The following HADH variants were observed in gnomAD, a reference collection of about 807,000 sequenced individuals.
HADH encodes hydroxyacyl-coenzyme A dehydrogenase, mitochondrial.
In HADH, 24 loss-of-function variants were observed where a neutral mutation model predicts 32.2. The ratio of observed to expected loss-of-function variants is 0.75; its 90% CI spans 0.54 to 1.05. The LOEUF (loss-of-function observed/expected upper bound fraction) is 1.05, where lower values mean the gene tolerates loss of function less well. HADH is among the 50% of genes least tolerant of loss of function. HADH has a pLI of 0.00. For synonymous variants in HADH, 139 were observed against 152.5 expected (o/e 0.91, Z 0.65); for missense variants, 350 against 397.1 (o/e 0.88, Z 1.01).
At chr4:108,006,834 A>C (rs540480562) in intron 1 of HADH, among the ~76,000 whole-genome samples, 40 of 152,242 alleles carry the variant, frequency 2.6e-4, no homozygotes, top group African/African-American at 9.6e-4. Flanking sequence ...TATTACTGTG[A>C]CTTTAATTTG....
At chr4:108,004,638 A>G (rs754420525) in intron 1 of HADH, 239 of 1,509,304 alleles carry the variant, frequency 1.6e-4, no homozygotes, top group Non-Finnish European at 1.7e-4. Flanking sequence ...GGAAGCCATA[A>G]CCATGAACTT....
chr4:108,015,852 G>A (rs981162726), intron 3 of HADH, among the ~76,000 whole-genome samples: 1 of 152,006 alleles, frequency 6.6e-6, no homozygotes, highest in Non-Finnish European at 1.5e-5. Flanking sequence ...ACAGCAGACA[G>A]TTAAGGACAT....
chr4:107,992,427 T>C (rs1182500246), intron 1 of HADH, among the ~76,000 whole-genome samples: 1 of 152,236 alleles, frequency 6.6e-6, no homozygotes, highest in African/African-American at 2.4e-5. Context: ...CACCCTACCC[T>C]GTAGCATGCA....
At chr4:108,028,786 T>C (rs1176893309) in intron 6 of HADH, 1 of 398,376 alleles carries the variant, frequency 2.5e-6, no homozygotes, top group Admixed American at 4.4e-5. Context: ...TGTTTTAGAA[T>C]GTAGCATGTG....
chr4:108,032,072 T>A, intron 6 of HADH: 1 of 369,276 alleles, frequency 2.7e-6, no homozygotes, highest in East Asian at 3.9e-5. Context: ...TAAAAATATA[T>A]CTTCTTTATC....
In HADH at chr4:107,991,082, C is replaced by A. The variant is rs542807958; in HGVS notation, c.132+1018C>A. Among the ~76,000 whole-genome samples, 4 of 152,184 alleles carry A rather than the reference C, an allele frequency of 2.6e-5. No homozygotes were observed. In the South Asian group the frequency reaches 6.2e-4, roughly 24 times the overall value. Reference sequence around the variant, plus strand: ...CCATTGTACATCTTCAGGGCTTTTCCATTGTTCTGCTGAGCTGTGGTTCAG... The same window carrying A: ...CCATTGTACATCTTCAGGGCTTTTCAATTGTTCTGCTGAGCTGTGGTTCAG... On this transcript the variant is annotated intron_variant, in intron 1 of 7. Coordinates refer to ENST00000309522, the MANE Select transcript of HADH (RefSeq NM_005327.7).
chr4:108,013,992 C>G (rs1343912361), intron 2 of HADH, among the ~76,000 whole-genome samples: 2 of 152,052 alleles, frequency 1.3e-5, no homozygotes, highest in African/African-American at 2.4e-5. Context: ...GGCACCATCT[C>G]CAATTCTGTC....
chr4:107,997,272 G>C (rs918447455), intron 1 of HADH, among the ~76,000 whole-genome samples: 3 of 152,190 alleles, frequency 2.0e-5, no homozygotes, highest in Admixed American at 1.3e-4. Context: ...TTTCCAGAGA[G>C]AGGATGAAAA....
intron 2 of HADH, among the ~76,000 whole-genome samples, chr4:108,011,060 G>A (rs1294722721): frequency 6.6e-6 from 1 of 152,026 alleles, no homozygotes; most frequent in African/African-American, 2.4e-5. Context: ...TGTTGGCCAG[G>A]ATGGTTTCAA....
At chr4:108,020,154 G>A (rs981728315) in intron 4 of HADH, among the ~76,000 whole-genome samples, 7 of 152,152 alleles carry the variant, frequency 4.6e-5, no homozygotes, top group African/African-American at 1.7e-4. Flanking sequence ...TACATCTCCT[G>A]TGCATTGTGA....
intron 4 of HADH, among the ~76,000 whole-genome samples, chr4:108,021,194 T>G (rs1031074192): frequency 1.3e-5 from 2 of 152,208 alleles, no homozygotes; most frequent in African/African-American, 4.8e-5. Flanking sequence ...ATTTCAGTAC[T>G]TAGGGACTAG....
intron 1 of HADH, among the ~76,000 whole-genome samples, chr4:108,003,820 A>C (rs528890271): frequency 5.3e-5 from 8 of 152,156 alleles, no homozygotes; most frequent in Admixed American, 3.3e-4. Context: ...TTAAAAAAAA[A>C]AAAAAACAAA....
chr4:107,992,073 G>A (rs1300232293), intron 1 of HADH, among the ~76,000 whole-genome samples: 1 of 152,212 alleles, frequency 6.6e-6, no homozygotes, highest in African/African-American at 2.4e-5. Flanking sequence ...TACAGGTATG[G>A]TGTTGGAGCT....
intron 1 of HADH, among the ~76,000 whole-genome samples, chr4:108,004,291 G>A (rs972940185): frequency 5.9e-5 from 9 of 152,234 alleles, no homozygotes; most frequent in East Asian, 1.9e-4. Context: ...CATGCGCAGC[G>A]TGGTGGTCTA....
At chr4:107,991,840 T>A (rs1734822889) in intron 1 of HADH, among the ~76,000 whole-genome samples, 1 of 152,214 alleles carries the variant, frequency 6.6e-6, no homozygotes, top group African/African-American at 2.4e-5. Flanking sequence ...AACAAAATAT[T>A]AGGGCCTTAA....
chr4:107,998,507 C>T (rs556200445), intron 1 of HADH, among the ~76,000 whole-genome samples: 3 of 152,092 alleles, frequency 2.0e-5, no homozygotes, highest in East Asian at 3.9e-4. Flanking sequence ...CTCTAACTCC[C>T]GACCTCATGA....
At chr4:108,029,840 C>G (rs1224150831) in intron 6 of HADH, 1 of 152,510 alleles carries the variant, frequency 6.6e-6, no homozygotes, top group Non-Finnish European at 1.5e-5. Flanking sequence ...TCCGTCCTCA[C>G]TCTTCCTATT....
chr4:108,016,001 G>A (rs374984826), intron 3 of HADH, among the ~76,000 whole-genome samples: 2 of 152,146 alleles, frequency 1.3e-5, no homozygotes, highest in African/African-American at 4.8e-5. Context: ...TGAAGGGAAT[G>A]CCTATAGACA....
At chr4:107,990,670 A>C (rs557139584) in intron 1 of HADH, among the ~76,000 whole-genome samples, 1 of 150,566 alleles carries the variant, frequency 6.6e-6, no homozygotes, top group Non-Finnish European at 1.5e-5. Flanking sequence ...CCTGGTTTTG[A>C]CCTTTGAAAT....
Sources: gnomAD v4.1 joint callset for allele counts (sites outside exome capture counted in the v4.1 genomes callset) on GRCh38, gnomAD v4.1.1 for gene constraint, MANE v1.5 for transcripts, NCBI Gene and HGNC (gene_info 2026-07-23, HGNC 2026-07-21) for gene names.